PYHIN1: variants seen among roughly 807,000 people sequenced by gnomAD.
PYHIN1 encodes the protein pyrin and HIN domain-containing protein 1.
A neutral mutation model predicts 43.7 loss-of-function variants in PYHIN1; 32 were observed. The observed-to-expected ratio is 0.73, with a 90% CI of 0.55 to 0.98. The LOEUF is 0.98. Ranked by LOEUF, PYHIN1 falls within the 50% of genes least tolerant of loss-of-function variation. The pLI is 0.00. For missense variants in PYHIN1, 588 were observed against 589.5 expected, an observed-to-expected ratio of 1.00 and a Z score of 0.03; for synonymous variants, 205 against 203.1, an observed-to-expected ratio of 1.01 and a Z score of -0.08.
chr1:158,982,331 A>G, the PYHIN1 span, among the ~76,000 whole-genome samples: 1 of 152,142 alleles, frequency 6.6e-6, no homozygotes, highest in Non-Finnish European at 1.5e-5. Context: ...GGTGAAAGGA[A>G]GGGTTCCAGT....
chr1:158,983,208 C>A, the PYHIN1 span, among the ~76,000 whole-genome samples: 1 of 151,920 alleles, frequency 6.6e-6, no homozygotes, highest in Non-Finnish European at 1.5e-5. Context: ...GAGTAGGCAA[C>A]TTTGTCTTGT....
downstream of PYHIN1, among the ~76,000 whole-genome samples, chr1:158,980,245 T>A (rs1651441367): frequency 6.6e-6 from 1 of 152,166 alleles, no homozygotes; most frequent in Non-Finnish European, 1.5e-5. Context: ...ATGTATCTTA[T>A]CTCAGGACCA....
intron 7 of PYHIN1, among the ~76,000 whole-genome samples, chr1:158,952,108 GTTTTT>G (rs35079460): frequency 8.5e-6 from 1 of 118,154 alleles, no homozygotes; most frequent in South Asian, 3.0e-4. Context: ...GCCTGTGTCG[GTTTTT>G]TTTTTTTTTT....
chr1:158,959,745 T>G (rs909519972), intron 7 of PYHIN1, among the ~76,000 whole-genome samples: 27 of 152,212 alleles, frequency 1.8e-4, no homozygotes, highest in African/African-American at 5.1e-4. Flanking sequence ...ATGATAGCGT[T>G]TGAACAACTG....
intron 7 of PYHIN1, among the ~76,000 whole-genome samples, chr1:158,956,154 A>AGC (rs1649913165): frequency 7.0e-6 from 1 of 143,650 alleles, no homozygotes; most frequent in Admixed American, 6.9e-5. Flanking sequence ...ATGGATTCAC[A>AGC]GCTGAATTCT....
chr1:158,983,915 T>G, the PYHIN1 span, among the ~76,000 whole-genome samples: 11 of 150,530 alleles, frequency 7.3e-5, no homozygotes, highest in African/African-American at 2.7e-4. Flanking sequence ...GATTTTCTAG[T>G]TTTTCAGCAT....
chr1:158,966,591 C>T (rs151094525), intron 7 of PYHIN1, among the ~76,000 whole-genome samples: 2 of 152,016 alleles, frequency 1.3e-5, no homozygotes, highest in Admixed American at 6.6e-5. Flanking sequence ...TGGTTCATCA[C>T]ATAAACAGAA....
rs922367228 is a variant in PYHIN1, at chr1:158,936,899, A to G, written c.-12A>G. Reference sequence around the variant, plus strand: ...CCATTTTTCTCTTGCAGGCTCACTTATATCTTTAGAGATGGCAAATAACTA... The same window carrying G: ...CCATTTTTCTCTTGCAGGCTCACTTGTATCTTTAGAGATGGCAAATAACTA... On this transcript the variant is annotated 5_prime_UTR_variant, in exon 2 of 9. Transcript: ENST00000368140. 1 of 1,558,482 alleles carries G rather than the reference A, an allele frequency of 6.4e-7. No homozygotes were observed. The highest frequency in any genetic ancestry group is 1.3e-5 in the South Asian group (1 of 79,426).
chr1:158,948,778 C>T (rs752073474), intron 7 of PYHIN1, among the ~76,000 whole-genome samples: 18 of 152,144 alleles, frequency 1.2e-4, no homozygotes, highest in Non-Finnish European at 1.5e-4. Flanking sequence ...GTGGCAAGGG[C>T]AGAGGAACCT....
chr1:158,939,653 C>A, intron 4 of PYHIN1: 5 of 810,436 alleles, frequency 6.2e-6, no homozygotes, highest in Non-Finnish European at 8.2e-6. Flanking sequence ...TCTTACCTGG[C>A]CAACCCTATC....
chr1:158,974,544 C>G (rs145923705), intron 8 of PYHIN1, among the ~76,000 whole-genome samples: 134 of 152,038 alleles, frequency 8.8e-4, no homozygotes, highest in Non-Finnish European at 1.5e-3. Flanking sequence ...ACCTAGGGAA[C>G]AGAAGACTAT....
chr1:158,934,249 T>A (rs959336460), intron 1 of PYHIN1, among the ~76,000 whole-genome samples: 7 of 152,210 alleles, frequency 4.6e-5, no homozygotes, highest in African/African-American at 1.7e-4. Flanking sequence ...TGAATATTTG[T>A]GTTTAAGTGG....
At chr1:158,939,519 T>A in intron 4 of PYHIN1, 1 of 1,550,636 alleles carries the variant, frequency 6.4e-7, no homozygotes. Context: ...ACTCACTGTC[T>A]ACTGCCCCCA....
chr1:158,990,027 A>C, the PYHIN1 span, among the ~76,000 whole-genome samples: 1 of 149,650 alleles, frequency 6.7e-6, no homozygotes, highest in Non-Finnish European at 1.5e-5. Context: ...TAAATGTGTG[A>C]ATGAGTGTAT....
rs768503732 is a variant in PYHIN1, at chr1:158,938,525, G to A, written c.394G>A (p.Glu132Lys). ...SNRLTAKGAE[E>K]TLGPQKRKKP... ...CCGTCTCACAGCTAAAGGAGCAGAG[G>A]AGACTCTTGGACCTCAGGTAAGCTT... The change falls in exon 3 of 9, where the codon GAG becomes AAG. Residue 132 changes from glutamate (E) to lysine (K), a missense_variant. Coordinates refer to ENST00000368140, the MANE Select transcript of PYHIN1 (RefSeq NM_152501.5). The A allele has an allele frequency of 6.4e-5, 104 of 1,614,064 alleles. 1 individual carries two copies. The South Asian group carries it at 7.1e-4, about 11-fold the overall frequency.
At chr1:158,984,058 G>T in the PYHIN1 span, among the ~76,000 whole-genome samples, 3 of 87,596 alleles carry the variant, frequency 3.4e-5, no homozygotes, top group Non-Finnish European at 6.8e-5. Flanking sequence ...ATATTAATCT[G>T]GCTAGTGGTC....
downstream of PYHIN1, among the ~76,000 whole-genome samples, chr1:158,977,566 T>C (rs894638179): frequency 2.6e-5 from 4 of 152,140 alleles, no homozygotes; most frequent in Admixed American, 1.3e-4. Flanking sequence ...GACAGTTAAC[T>C]TAGGCAAACT....
Position 158,944,961 on chromosome 1 carries a change from G to T in PYHIN1, c.1278G>T (p.Glu426Asp), listed in dbSNP as rs1248604921. The T allele has an allele frequency of 3.7e-6, 6 of 1,613,846 alleles. No homozygotes were observed. Among genetic ancestry groups the T allele is most frequent in the Non-Finnish European group, 5.1e-6 (6 of 1,179,866 alleles). The stretch of plus-strand genomic sequence containing the variant: ...AGAGTCAGCATCCAAAACCTTCAGA[G>T]GCCAGCACAACCCTACCTGAAAGCC... The part of the protein sequence containing the change: ...QEQSQHPKPS[E>D]ASTTLPESHL... Residue 426 changes from glutamate (E) to aspartate (D), a missense_variant, in exon 7 of 9, where the codon GAG becomes GAT. Physicochemically the swap from Glu to Asp is conservative, Grantham distance 45. Coordinates refer to ENST00000368140, the MANE Select transcript of PYHIN1 (RefSeq NM_152501.5).
At chr1:158,952,803 C>T (rs369101268) in intron 7 of PYHIN1, among the ~76,000 whole-genome samples, 38 of 152,186 alleles carry the variant, frequency 2.5e-4, no homozygotes, top group African/African-American at 8.4e-4. Context: ...GCGTAAGCGA[C>T]GCAGAAGATG....
Sources: allele counts gnomAD v4.1 joint callset (sites outside exome capture counted in the v4.1 genomes callset), GRCh38; gene constraint gnomAD v4.1.1; transcripts MANE v1.5; gene names NCBI Gene and HGNC (gene_info 2026-07-23, HGNC 2026-07-21).